RGS22: variants seen among roughly 807,000 people sequenced by gnomAD.
RGS22 encodes the protein regulator of G protein signaling 22, also known as regulator of G-protein signaling 22.
RGS22 carries 148 observed loss-of-function variants against 172.9 expected under a neutral mutation model. The ratio of observed to expected loss-of-function variants is 0.86; its 90% CI spans 0.75 to 0.98. The LOEUF is 0.98. RGS22 is among the 50% of genes least tolerant of loss of function. The pLI is 0.00. For synonymous variants in RGS22, 458 were observed against 480.2 expected (o/e 0.95, Z 0.60); for missense variants, 1,347 against 1,440.8 (o/e 0.93, Z 1.05).
intron 14 of RGS22, among the ~76,000 whole-genome samples, chr8:100,013,546 G>T (rs992287065): frequency 6.6e-6 from 1 of 152,168 alleles, no homozygotes; most frequent in Non-Finnish European, 1.5e-5. Context: ...GACACTTCAT[G>T]ATGCCCTGTT....
At chr8:100,105,526 T>G in intron 1 of RGS22, 124 bp from the exon 2 acceptor site, 2 of 794,852 alleles carry the variant, frequency 2.5e-6, no homozygotes, top group Non-Finnish European at 4.3e-6. Context: ...TTTCTGGCCC[T>G]CTGTTCATTC....
At chr8:100,066,969 G>A (rs1434857111) in intron 6 of RGS22, among the ~76,000 whole-genome samples, 3 of 152,138 alleles carry the variant, frequency 2.0e-5, no homozygotes, top group Non-Finnish European at 2.9e-5. Flanking sequence ...TAGAACCCCA[G>A]CCCTAAGAAG....
At chr8:99,991,299 T>C (rs2312613) in intron 20 of RGS22, among the ~76,000 whole-genome samples, 99,805 of 152,086 alleles carry the variant, frequency 0.66, 33,828 homozygotes, top group African/African-American at 0.84. Flanking sequence ...TTCAGAAGGT[T>C]GGTAATAACA....
chr8:100,001,216 A>ATATATG (rs1362455224), intron 18 of RGS22, among the ~76,000 whole-genome samples: 3 of 135,216 alleles, frequency 2.2e-5, no homozygotes, highest in South Asian at 2.3e-4. Flanking sequence ...ATATATATAT[A>ATATATG]TATACATATA....
intron 11 of RGS22, among the ~76,000 whole-genome samples, chr8:100,044,131 G>A (rs1002743527): frequency 6.6e-6 from 1 of 152,150 alleles, no homozygotes; most frequent in African/African-American, 2.4e-5. Flanking sequence ...AGGATTCACT[G>A]GTGAACTCTA....
rs201436457 is a variant in RGS22, at chr8:100,071,385, T to C, written c.578A>G (p.Tyr193Cys). The change falls in exon 6 of 28, where the codon TAT becomes TGT. Residue 193 changes from tyrosine (Y) to cysteine (C), a missense_variant. Tyr to Cys is a radical substitution (Grantham distance 194). Coordinates refer to ENST00000360863, the MANE Select transcript of RGS22 (RefSeq NM_015668.5). Reference sequence around the variant, plus strand: ...TACTTTTACCTCACCAAGTGATACATAGAACTTTTTCATAATTACAAGATT... The same window carrying C: ...TACTTTTACCTCACCAAGTGATACACAGAACTTTTTCATAATTACAAGATT... The part of the protein sequence containing the change: ...EDNLVIMKKF[Y>C]VSLGEASYTQ... 4.3e-4 allele frequency: 685 copies of C among 1,610,294 alleles called. 1 individual carries two copies. The highest frequency in any genetic ancestry group is 9.8e-4 in the East Asian group (44 of 44,734).
intron 4 of RGS22, 121 bp downstream of exon 4, chr8:100,080,013 G>A (rs1811631868): frequency 7.2e-6 from 5 of 695,494 alleles, no homozygotes; most frequent in Admixed American, 2.8e-5. Context: ...AATACTATGT[G>A]TACGTACAAC....
Position 100,035,098 on chromosome 8 carries a change from T to C in RGS22, c.2166+3833A>G, listed in dbSNP as rs541277753. ...AAAGCAATGGCAACAAAAGCCAAAA[T>C]TGACAAATGGGATCTAATTAAACTG... On this transcript the variant is annotated intron_variant, in intron 14 of 27. Coordinates refer to ENST00000360863, the MANE Select transcript of RGS22 (RefSeq NM_015668.5). Among the ~76,000 whole-genome samples, 18 of 152,216 alleles carry C rather than the reference T, an allele frequency of 1.2e-4. 1 individual carries two copies. Among genetic ancestry groups the C allele is most frequent in the Middle Eastern group, 3.4e-3 (1 of 294 alleles).
At chr8:100,104,339 T>C (rs1813745305) in intron 2 of RGS22, among the ~76,000 whole-genome samples, 1 of 145,062 alleles carries the variant, frequency 6.9e-6, no homozygotes, top group Non-Finnish European at 1.5e-5. Context: ...CGTGTGTGTG[T>C]GTGTGTGTGT....
chr8:100,050,794 C>G (rs1422020735), intron 10 of RGS22: 1 of 152,134 alleles, frequency 6.6e-6, no homozygotes, highest in African/African-American at 2.4e-5. Flanking sequence ...AAAAAATGCT[C>G]ATGACTTATA....
At chr8:100,041,356 T>C (rs1172941678) in intron 12 of RGS22, among the ~76,000 whole-genome samples, 2 of 152,004 alleles carry the variant, frequency 1.3e-5, no homozygotes, top group Non-Finnish European at 2.9e-5. Flanking sequence ...CCAGGCGTGG[T>C]GGTGTGCGCC....
At chr8:100,086,638 T>A (rs985935703) in intron 3 of RGS22, among the ~76,000 whole-genome samples, 1 of 151,946 alleles carries the variant, frequency 6.6e-6, no homozygotes, top group Non-Finnish European at 1.5e-5. Flanking sequence ...ATCATTCATA[T>A]CCTAAGGCTC....
intron 2 of RGS22, among the ~76,000 whole-genome samples, chr8:100,095,415 C>T (rs1257031177): frequency 2.0e-5 from 3 of 152,190 alleles, no homozygotes; most frequent in Non-Finnish European, 4.4e-5. Context: ...AACTCCTAGC[C>T]TCAAGTGATC....
At chr8:100,050,050 CAAA>C (rs35540779) in intron 10 of RGS22, among the ~76,000 whole-genome samples, 2 of 131,802 alleles carry the variant, frequency 1.5e-5, no homozygotes, top group African/African-American at 2.8e-5. Flanking sequence ...ACTCCATCTC[CAAA>C]AAAAAAAAAA....
At chr8:100,028,960 C>T (rs1226517667) in intron 14 of RGS22, among the ~76,000 whole-genome samples, 2 of 152,112 alleles carry the variant, frequency 1.3e-5, no homozygotes, top group African/African-American at 4.8e-5. Flanking sequence ...GATAGCAATG[C>T]CTGTCTTGCT....
intron 23 of RGS22, among the ~76,000 whole-genome samples, chr8:99,977,674 C>A (rs906065093): frequency 1.3e-5 from 2 of 152,048 alleles, no homozygotes; most frequent in Admixed American, 1.3e-4. Flanking sequence ...GTTATTGCAG[C>A]GGATGCAAGC....
At chr8:100,094,054 C>A (rs1421477184) in intron 2 of RGS22, among the ~76,000 whole-genome samples, 12 of 152,124 alleles carry the variant, frequency 7.9e-5, no homozygotes, top group African/African-American at 2.9e-4. Context: ...CACTTTTGCA[C>A]GAGGAAAGTT....
intron 3 of RGS22, among the ~76,000 whole-genome samples, chr8:100,084,529 T>C (rs1056518078): frequency 1.3e-5 from 2 of 152,220 alleles, no homozygotes; most frequent in Non-Finnish European, 2.9e-5. Context: ...TGAATGTATA[T>C]GTAAAAATGT....
intron 20 of RGS22, among the ~76,000 whole-genome samples, chr8:99,989,860 A>G (rs1373431786): frequency 1.4e-5 from 2 of 138,522 alleles, no homozygotes; most frequent in Non-Finnish European, 3.1e-5. Context: ...AGATAGACAG[A>G]CAGATAGATA....
Sources: gnomAD v4.1 joint callset for allele counts (sites outside exome capture counted in the v4.1 genomes callset) on GRCh38, gnomAD v4.1.1 for gene constraint, MANE v1.5 for transcripts, NCBI Gene and HGNC (gene_info 2026-07-23, HGNC 2026-07-21) for gene names.